CD72: variants seen among roughly 807,000 people sequenced by gnomAD.
CD72 encodes the protein CD72 molecule.
In CD72, 28 loss-of-function variants were observed where a neutral mutation model predicts 50.7. That is an observed-to-expected ratio of 0.55 (90% CI 0.41 to 0.76). CD72 has a LOEUF of 0.76. Ranked by LOEUF, CD72 falls within the 30% of genes least tolerant of loss-of-function variation. CD72 has a pLI of 0.00. For synonymous variants in CD72, 176 were observed against 171.2 expected (o/e 1.03, Z -0.22); for missense variants, 403 against 420.6 (o/e 0.96, Z 0.37).
chr9:35,618,935 C>A (rs1386893879), upstream of CD72: 22 of 366,752 alleles, frequency 6.0e-5, no homozygotes, highest in South Asian at 4.6e-4. Context: ...GGCAGCACTG[C>A]CCCCCATGCA....
intron 1 of CD72, among the ~76,000 whole-genome samples, chr9:35,625,544 A>C (rs907286760): frequency 1.3e-5 from 2 of 152,272 alleles, no homozygotes; most frequent in Non-Finnish European, 2.9e-5. Context: ...GATCTAACTA[A>C]GATCATTGAT....
chr9:35,637,968 C>T (rs376921248), intron 1 of CD72, among the ~76,000 whole-genome samples: 17 of 152,300 alleles, frequency 1.1e-4, no homozygotes, highest in African/African-American at 3.6e-4. Flanking sequence ...AAAACCCCTT[C>T]AACTCACACC....
At position 35,610,128 on chromosome 9, in the gene CD72, T is replaced by C; in HGVS notation, c.*195A>G. On this transcript the variant is annotated 3_prime_UTR_variant, in exon 9 of 9. Coordinates refer to ENST00000259633, the MANE Select transcript of CD72 (RefSeq NM_001782.3). ...GTCCCTTCTAGAGGTGGCTTCACCC[T>C]TTTCCCAGGAACAGTCCAGTTTCAG... The C allele has an allele frequency of 4.7e-6, 1 of 213,070 alleles. No individual in the cohort carries two copies. The highest frequency in any genetic ancestry group is 9.3e-6 in the Non-Finnish European group (1 of 107,680). 13.2% of individuals were successfully genotyped at this position (213,070 alleles called of 1,614,324 possible).
intron 1 of CD72, among the ~76,000 whole-genome samples, chr9:35,633,828 T>C (rs902075546): frequency 1.3e-5 from 2 of 152,240 alleles, no homozygotes; most frequent in Admixed American, 6.5e-5. Context: ...AATACCCTGA[T>C]AAACCCATCG....
At chr9:35,616,848 G>T in intron 3 of CD72, 159 bp from the exon 4 acceptor site, 1 of 1,001,232 alleles carries the variant, frequency 1.0e-6, no homozygotes, top group South Asian at 1.5e-5. Flanking sequence ...TCGGGTAGCG[G>T]GGTGTTTCGC....
intron 1 of CD72, among the ~76,000 whole-genome samples, chr9:35,636,258 G>A (rs1176327959): frequency 6.6e-6 from 1 of 152,130 alleles, no homozygotes. Context: ...TGCAGGGGGT[G>A]GGGGCAAAGT....
intron 1 of CD72, chr9:35,642,616 T>C (rs972139701): frequency 4.6e-5 from 7 of 152,236 alleles, no homozygotes; most frequent in African/African-American, 1.2e-4. Flanking sequence ...TCTTGCCCCA[T>C]TGGCAAGCTT....
chr9:35,615,733 G>A lies in CD72; in HGVS notation c.688+210C>T, dbSNP rs1459937206. The stretch of plus-strand genomic sequence containing the variant: ...CATCCTCCTCTCCCCTACAGGATGA[G>A]CCTTGGAGCTGGGTGGGTCCCCCTA... On this transcript the variant is annotated intron_variant, in intron 5 of 8. Transcript: ENST00000259633. Among the ~76,000 whole-genome samples the A allele has an allele frequency of 3.4e-5, 5 of 148,988 alleles. No homozygotes were observed. The East Asian group carries it at 5.9e-4, about 18-fold the overall frequency.
At chr9:35,624,831 A>G (rs1587905929) in intron 1 of CD72, among the ~76,000 whole-genome samples, 1 of 152,134 alleles carries the variant, frequency 6.6e-6, no homozygotes, top group Non-Finnish European at 1.5e-5. Context: ...TGTTATGGAG[A>G]TCTGTGATCA....
intron 5 of CD72, among the ~76,000 whole-genome samples, chr9:35,613,565 TC>T (rs1182630772): frequency 8.5e-5 from 13 of 152,164 alleles, no homozygotes; most frequent in African/African-American, 3.1e-4. Context: ...GCCACCTCTC[TC>T]CATTGCTTTG....
chr9:35,622,806 A>G (rs1823157810), upstream of CD72, among the ~76,000 whole-genome samples: 1 of 151,120 alleles, frequency 6.6e-6, no homozygotes, highest in African/African-American at 2.4e-5. Context: ...AATAATAATA[A>G]TAATAATAAT....
intron 1 of CD72, among the ~76,000 whole-genome samples, chr9:35,626,188 C>T (rs1823196237): frequency 6.6e-6 from 1 of 151,042 alleles, no homozygotes; most frequent in South Asian, 2.1e-4. Flanking sequence ...GTCAAAATAT[C>T]AACATTAACA....
chr9:35,644,149 A>C (rs1823365226), intron 1 of CD72, among the ~76,000 whole-genome samples: 1 of 151,354 alleles, frequency 6.6e-6, no homozygotes, highest in African/African-American at 2.4e-5. Context: ...GTTTGAGACC[A>C]TCCTGGCCAA....
chr9:35,614,271 G>A (rs1374692028), intron 5 of CD72, among the ~76,000 whole-genome samples: 1 of 152,196 alleles, frequency 6.6e-6, no homozygotes, highest in Non-Finnish European at 1.5e-5. Flanking sequence ...TCAATTAACT[G>A]GAATGCTGTA....
intron 1 of CD72, among the ~76,000 whole-genome samples, chr9:35,630,404 T>C (rs921293457): frequency 6.6e-6 from 1 of 152,220 alleles, no homozygotes; most frequent in Non-Finnish European, 1.5e-5. Context: ...TTTTAAAAAA[T>C]AGTTTTTTCT....
intron 1 of CD72, among the ~76,000 whole-genome samples, chr9:35,626,263 A>T (rs552622804): frequency 1.3e-4 from 20 of 152,004 alleles, no homozygotes; most frequent in Non-Finnish European, 2.5e-4. Flanking sequence ...ACTTCAATGG[A>T]GGAAGTAACT....
intron 1 of CD72, among the ~76,000 whole-genome samples, chr9:35,639,830 A>T (rs886082903): frequency 6.6e-6 from 1 of 152,222 alleles, no homozygotes; most frequent in African/African-American, 2.4e-5. Flanking sequence ...ACTAAGAGTA[A>T]AAACCAACCA....
intron 2 of CD72, 59 bp from the exon 3 acceptor site, chr9:35,617,306 C>G: frequency 6.7e-7 from 1 of 1,492,584 alleles, no homozygotes; most frequent in Non-Finnish European, 9.0e-7. Flanking sequence ...CCTTCTCCTC[C>G]TGCGCACCCG....
rs540566405 is a variant in CD72 at position 35,610,718 on chromosome 9, T to C, written c.986A>G (p.His329Arg). The part of the protein sequence containing the change: ...YAQSSKCNKV[H>R]KTWSWWTLES... The stretch of plus-strand genomic sequence containing the variant: ...CAGTGTCCACCATGACCAAGTTTTA[T>C]GTACCTTGTTACATTTTGAGCTTTG... The change falls in exon 8 of 9, where the codon CAT (histidine) becomes CGT (arginine). Residue 329 changes from histidine to arginine, a missense_variant. His to Arg is a conservative substitution (Grantham distance 29). Coordinates refer to ENST00000259633, the MANE Select transcript of CD72 (RefSeq NM_001782.3). The C allele has an allele frequency of 6.2e-6, 10 of 1,613,044 alleles. No individual in the cohort carries two copies. In the Admixed American group the frequency reaches 1.2e-4, roughly 19 times the overall value.
Sources: allele counts gnomAD v4.1 joint callset (sites outside exome capture counted in the v4.1 genomes callset), GRCh38; gene constraint gnomAD v4.1.1; transcripts MANE v1.5; gene names NCBI Gene and HGNC (gene_info 2026-07-23, HGNC 2026-07-21).